Variants in PCDHA13 observed in about 807,000 individuals in gnomAD.
PCDHA13 encodes protocadherin alpha-13.
Under a neutral mutation model 64.8 loss-of-function variants are expected in PCDHA13, and 54 were observed. The observed-to-expected ratio is 0.83, with a 90% CI of 0.67 to 1.04. The LOEUF (loss-of-function observed/expected upper bound fraction) is 1.04, where lower values mean the gene tolerates loss of function less well. Ranked by LOEUF, PCDHA13 falls within the 50% of genes least tolerant of loss-of-function variation. PCDHA13 has a pLI of 0.00. For missense variants in PCDHA13, 1,248 were observed against 1,254.3 expected (o/e 0.99, Z 0.08); for synonymous variants, 587 against 564.4 (o/e 1.04, Z -0.57).
At chr5:140,990,541 A>T (rs868916666) in intron 3 of PCDHA13, among the ~76,000 whole-genome samples, 1 of 152,210 alleles carries the variant, frequency 6.6e-6, no homozygotes, top group Admixed American at 6.5e-5. Context: ...CATCATAGAT[A>T]CTGTATTACC....
At chr5:141,006,978 T>C (rs2098297277) in intron 3 of PCDHA13, among the ~76,000 whole-genome samples, 1 of 152,090 alleles carries the variant, frequency 6.6e-6, no homozygotes, top group African/African-American at 2.4e-5. Context: ...CACAGAGAGA[T>C]GTGGGCTTAA....
At position 141,009,636 on chromosome 5, in the gene PCDHA13, C is replaced by T. The variant is rs782321757; in HGVS notation, c.2552C>T (p.Ala851Val). ...ATGTTTTGTCTTTCAGAACCAGAGG[C>T]AGGAGAAGTGTCCCCTCCAGTCGGT... ...TVSSATPEPE[A>V]GEVSPPVGAG... Residue 851 changes from alanine (A) to valine (V), a missense_variant, in exon 4 of 4, where the codon GCA becomes GTA. Physicochemically the swap from Ala to Val is moderately conservative, Grantham distance 64. Transcript: ENST00000289272. 3.7e-6 allele frequency: 6 copies of T among 1,613,192 alleles called. No homozygotes were observed. Among genetic ancestry groups the T allele is most frequent in the Non-Finnish European group, 4.2e-6 (5 of 1,179,532 alleles).
intron 1 of PCDHA13, among the ~76,000 whole-genome samples, chr5:140,910,282 T>C (rs557559116): frequency 1.3e-5 from 2 of 152,300 alleles, no homozygotes; most frequent in East Asian, 1.9e-4. Context: ...AGGAACACCA[T>C]GATTAATCAA....
chr5:140,942,572 C>A (rs2093326271), intron 1 of PCDHA13, among the ~76,000 whole-genome samples: 1 of 151,292 alleles, frequency 6.6e-6, no homozygotes, highest in Non-Finnish European at 1.5e-5. Flanking sequence ...AAAAATCTTC[C>A]CATATAGGAT....
chr5:140,905,162 G>A (rs2071641359), intron 1 of PCDHA13, among the ~76,000 whole-genome samples: 1 of 152,118 alleles, frequency 6.6e-6, no homozygotes, highest in African/African-American at 2.4e-5. Flanking sequence ...GAATTTTCAT[G>A]GTTTCAGGTT....
At chr5:140,900,477 A>G (rs2068076560) in intron 1 of PCDHA13, among the ~76,000 whole-genome samples, 1 of 152,290 alleles carries the variant, frequency 6.6e-6, no homozygotes, top group Non-Finnish European at 1.5e-5. Flanking sequence ...GAGTTTCTCC[A>G]TGTTGGTCAG....
At chr5:140,962,541 A>AGTT (rs2095690394) in intron 1 of PCDHA13, among the ~76,000 whole-genome samples, 1 of 152,220 alleles carries the variant, frequency 6.6e-6, no homozygotes, top group Non-Finnish European at 1.5e-5. Flanking sequence ...AGAACTAAAA[A>AGTT]TGTAGAGGAT....
Position 140,882,692 on chromosome 5 carries a change from AT to A in PCDHA13, c.426del (p.Ile142MetfsTer13), listed in dbSNP as rs782355155. On this transcript the variant is annotated frameshift_variant, in exon 1 of 4. Coordinates refer to ENST00000289272, the MANE Select transcript of PCDHA13 (RefSeq NM_018904.3). LOFTEE classifies it high-confidence loss of function. ...IFPESKKRIIIAESRPPETRF... is the reference protein window; with the variant it reads ...IFPESKKRIIXAESRPPETRF... The stretch of plus-strand genomic sequence containing the variant: ...CCCTGAAAGCAAGAAACGAATAATC[AT>A]TGCAGAATCTAGACCTCCGGAAACT... The A allele has an allele frequency of 2.1e-5, 34 of 1,614,204 alleles. No individual in the cohort carries two copies. In the South Asian group the frequency reaches 3.5e-4, roughly 17 times the overall value.
chr5:140,966,852 T>C, intron 1 of PCDHA13: 1 of 1,572,518 alleles, frequency 6.4e-7, no homozygotes, highest in South Asian at 1.1e-5. Flanking sequence ...CTGCCTCTCC[T>C]GCTGCTGTTG....
intron 1 of PCDHA13, among the ~76,000 whole-genome samples, chr5:140,941,621 G>A (rs552509224): frequency 6.6e-6 from 1 of 151,808 alleles, no homozygotes; most frequent in South Asian, 2.1e-4. Context: ...AGCCCATCCT[G>A]CTTCTTAATT....
intron 1 of PCDHA13, among the ~76,000 whole-genome samples, chr5:140,937,306 G>A (rs994842470): frequency 4.3e-4 from 66 of 152,048 alleles, no homozygotes; most frequent in African/African-American, 1.6e-3. Flanking sequence ...CAAAGTGCTG[G>A]GATTACAGGC....
intron 1 of PCDHA13, chr5:140,969,130 C>A (rs1353677478): frequency 2.5e-6 from 4 of 1,614,132 alleles, no homozygotes; most frequent in Non-Finnish European, 1.7e-6. Context: ...GCTCCCTCAC[C>A]AAGACCTACT....
At chr5:140,952,972 A>G (rs1206326487) in intron 1 of PCDHA13, among the ~76,000 whole-genome samples, 1 of 152,074 alleles carries the variant, frequency 6.6e-6, no homozygotes, top group Non-Finnish European at 1.5e-5. Context: ...CACACTTTTA[A>G]ACAACAAGAT....
At position 140,882,235 on chromosome 5, in the gene PCDHA13, A is replaced by G. The variant is rs782339930; in HGVS notation, c.-34A>G. ...CAGTTTGAGGTAAGGCGTTGTATAT[A>G]TTGCAGATAGCTCTGAGGTTTTTGG... On this transcript the variant is annotated 5_prime_UTR_variant, in exon 1 of 4. In the 5' UTR this introduces an upstream ATG that the reference lacks. Coordinates refer to ENST00000289272, the MANE Select transcript of PCDHA13 (RefSeq NM_018904.3). 5.7e-6 allele frequency: 9 copies of G among 1,580,864 alleles called. No individual in the cohort carries two copies. The highest frequency in any genetic ancestry group is 1.8e-5 in the Admixed American group (1 of 56,430).
At chr5:140,929,503 G>A in intron 1 of PCDHA13, 1 of 886,378 alleles carries the variant, frequency 1.1e-6, no homozygotes, top group Non-Finnish European at 1.6e-6. Context: ...ATTGCCCTAG[G>A]CCTCAAGGGA....
intron 1 of PCDHA13, among the ~76,000 whole-genome samples, chr5:140,914,496 C>A (rs782459538): frequency 1.2e-4 from 19 of 152,136 alleles, no homozygotes; most frequent in Non-Finnish European, 4.4e-5. Context: ...TTGTGGGCAA[C>A]AGATCATTGG....
intron 1 of PCDHA13, among the ~76,000 whole-genome samples, chr5:140,918,162 A>G (rs1344100803): frequency 1.3e-5 from 2 of 152,122 alleles, no homozygotes; most frequent in Non-Finnish European, 2.9e-5. Context: ...TCTATTGTAA[A>G]TGGCATTGTG....
At chr5:140,923,659 G>A in intron 1 of PCDHA13, among the ~76,000 whole-genome samples, 1 of 152,224 alleles carries the variant, frequency 6.6e-6, no homozygotes, top group East Asian at 1.9e-4. Context: ...CTTATCTTTG[G>A]GATATCGTTC....
intron 3 of PCDHA13, among the ~76,000 whole-genome samples, chr5:141,000,391 C>CTA (rs2097912428): frequency 7.9e-4 from 45 of 56,656 alleles, no homozygotes; most frequent in East Asian, 1.2e-3. Flanking sequence ...CTCTCTCTCT[C>CTA]TCTCTATATA....
Sources: gnomAD v4.1 joint callset for allele counts (sites outside exome capture counted in the v4.1 genomes callset) on GRCh38, gnomAD v4.1.1 for gene constraint, MANE v1.5 for transcripts, NCBI Gene and HGNC (gene_info 2026-07-23, HGNC 2026-07-21) for gene names.